The following TJP2 variants were observed in gnomAD, a reference collection of about 807,000 sequenced individuals.
The protein encoded by TJP2 is Friedreich ataxia region gene X104 (tight junction protein ZO-2).
TJP2 carries 91 observed loss-of-function variants against 133.1 expected under a neutral mutation model. That is an observed-to-expected ratio of 0.68 (90% CI 0.58 to 0.81). The LOEUF is 0.81. TJP2 is among the 40% of genes least tolerant of loss of function. The pLI, the probability that TJP2 is intolerant of heterozygous loss-of-function variation, is 0.00. For missense variants in TJP2, 1,541 were observed against 1,565.6 expected, an observed-to-expected ratio of 0.98 and a Z score of 0.26; for synonymous variants, 592 against 583.4, an observed-to-expected ratio of 1.01 and a Z score of -0.21.
At position 69,251,083 on chromosome 9, in the gene TJP2, G is replaced by A. The variant is rs1490932675; in HGVS notation, c.3040G>A (p.Glu1014Lys). 1 of 1,614,064 alleles carries A rather than the reference G, an allele frequency of 6.2e-7. No homozygotes were observed. The highest frequency in any genetic ancestry group is 1.7e-5 in the Admixed American group (1 of 60,010). ...EESYDFSKSY[E>K]YKSNPSAVAG... ...ATCCTATGACTTCTCCAAATCCTAT[G>A]AATATAAGTCAAACCCCTCTGCCGT... The change falls in exon 21 of 23, where the codon GAA (glutamate) becomes AAA (lysine). Residue 1014 changes from glutamate to lysine, a missense_variant. By Grantham distance (56) the Glu-to-Lys change is moderately conservative. Coordinates refer to ENST00000377245, the MANE Select transcript of TJP2 (RefSeq NM_004817.4).
intron 1 of TJP2, among the ~76,000 whole-genome samples, chr9:69,184,782 GCT>G (rs1282543588): frequency 8.1e-6 from 1 of 123,788 alleles, no homozygotes; most frequent in Non-Finnish European, 1.6e-5. Flanking sequence ...AGACGGGCTT[GCT>G]CTGTCACCCA....
At chr9:69,142,238 C>T (rs904583423) in intron 1 of TJP2, among the ~76,000 whole-genome samples, 1 of 152,146 alleles carries the variant, frequency 6.6e-6, no homozygotes, top group African/African-American at 2.4e-5. Flanking sequence ...TTGATGACAT[C>T]CAGTTGAAGG....
In TJP2 at chr9:69,234,299, C is replaced by T. The variant is rs1588126440; in HGVS notation, c.1672-140C>T. On this transcript the variant is annotated intron_variant, in intron 11 of 22. Transcript: ENST00000377245. ...CATTAAGGACTCATTTGCATCTTGG[C>T]TTTGCTCTGGACAGGCCCTGATGAA... The T allele has an allele frequency of 1.7e-5, 12 of 698,052 alleles. No individual in the cohort carries two copies. The East Asian group carries it at 3.3e-4, about 19-fold the overall frequency. 43.2% of individuals were successfully genotyped at this position (698,052 alleles called of 1,614,324 possible).
Position 69,193,361 on chromosome 9 carries a change from G to A in TJP2, c.60+18929G>A, listed in dbSNP as rs545942997. Among the ~76,000 whole-genome samples the A allele has an allele frequency of 3.3e-5, 5 of 151,922 alleles. No homozygotes were observed. The East Asian group carries it at 9.7e-4, about 29-fold the overall frequency. On this transcript the variant is annotated intron_variant, in intron 1 of 22. Transcript: ENST00000377245. Reference sequence around the variant, plus strand: ...ATAATACATCTGTTACCAGGCAGTGGCCTTTGATGATTTCCTATAGCTACA... The same window carrying A: ...ATAATACATCTGTTACCAGGCAGTGACCTTTGATGATTTCCTATAGCTACA...
At position 69,221,128 on chromosome 9, in the gene TJP2, G is replaced by T. The variant is rs757553147; in HGVS notation, c.584G>T (p.Arg195Leu). 4 of 1,588,332 alleles carry T rather than the reference G, an allele frequency of 2.5e-6. No homozygotes were observed. The African/African-American group carries it at 4.0e-5, about 16-fold the overall frequency. ...RSRERDLSRD[R>L]SRGRSLERGL... is the part of the protein sequence containing the mutation. ...CGGGAGCGGGACCTCAGCCGGGACC[G>T]GAGCCGTGGCCGGAGCCTGGAGCGG... The change falls in exon 5 of 23, where the codon CGG (arginine) becomes CTG (leucine). Residue 195 changes from arginine (R) to leucine (L), a missense_variant. By Grantham distance (102) the Arg-to-Leu change is moderately radical. Transcript: ENST00000377245.
rs184460264 is a variant in TJP2 at position 69,158,868 on chromosome 9, A to G, written c.-10+7097A>G. On this transcript the variant is annotated intron_variant, in intron 2 of 5. Transcript: ENST00000423935. ...TCACATCGGTTTTGATTCTTCACTC[A>G]TATCAGTTGAATGGTTGGTGACAAA... Among the ~76,000 whole-genome samples the G allele has an allele frequency of 2.7e-3, 416 of 152,210 alleles. 1 individual carries two copies. Among genetic ancestry groups the G allele is most frequent in the African/African-American group, 8.2e-3 (341 of 41,524 alleles).
intron 17 of TJP2, chr9:69,246,341 C>T: frequency 2.7e-6 from 1 of 364,226 alleles, no homozygotes; most frequent in Non-Finnish European, 5.3e-6. Context: ...AGTGTATACA[C>T]CTCAGCCTCC....
intron 1 of TJP2, chr9:69,145,661 A>T (rs1214735298): frequency 2.6e-6 from 3 of 1,159,284 alleles, no homozygotes; most frequent in Non-Finnish European, 3.3e-6. Context: ...CTTCAGGTGA[A>T]CAGTGACTGA....
intron 11 of TJP2, among the ~76,000 whole-genome samples, chr9:69,231,186 C>T (rs889720026): frequency 9.2e-5 from 14 of 151,992 alleles, no homozygotes; most frequent in Non-Finnish European, 1.6e-4. Flanking sequence ...CTCAGATCAC[C>T]GCAACCTCCG....
At chr9:69,211,797 A>C (rs1827934460) in intron 1 of TJP2, among the ~76,000 whole-genome samples, 1 of 152,004 alleles carries the variant, frequency 6.6e-6, no homozygotes, top group African/African-American at 2.4e-5. Context: ...TTTTTCCCCT[A>C]ATAGATCCAC....
intron 1 of TJP2, among the ~76,000 whole-genome samples, chr9:69,197,590 T>C (rs1242514433): frequency 6.6e-6 from 1 of 152,208 alleles, no homozygotes; most frequent in African/African-American, 2.4e-5. Flanking sequence ...AGTGGTCAGC[T>C]TATTTGCTGC....
In TJP2 at chr9:69,226,044, A is replaced by T; in HGVS notation, c.1079A>T (p.Asn360Ile). ...ILKINGTVTE[N>I]MSLTDARKLI... ...CAGATCAATGGGACTGTAACTGAGAACATGTCTTTAACGGATGCTCGAAAA... is the reference window on the plus strand; with the variant it reads ...CAGATCAATGGGACTGTAACTGAGATCATGTCTTTAACGGATGCTCGAAAA... Residue 360 changes from asparagine to isoleucine, a missense_variant, in exon 7 of 23, where the codon AAC (asparagine) becomes ATC (isoleucine). Asn to Ile is a moderately radical substitution (Grantham distance 149). Coordinates refer to ENST00000377245, the MANE Select transcript of TJP2 (RefSeq NM_004817.4). 1 of 1,614,220 alleles carries T rather than the reference A, an allele frequency of 6.2e-7. No homozygotes were observed. The highest frequency in any genetic ancestry group is 2.2e-5 in the East Asian group (1 of 44,882).
intron 1 of TJP2, chr9:69,204,976 A>G: frequency 7.5e-7 from 1 of 1,342,256 alleles, no homozygotes; most frequent in Non-Finnish European, 9.5e-7. Context: ...TTTTGCTCAT[A>G]AGTAGTGCTT....
At chr9:69,134,100 G>A (rs1822624240) in intron 1 of TJP2, among the ~76,000 whole-genome samples, 1 of 152,158 alleles carries the variant, frequency 6.6e-6, no homozygotes, top group Non-Finnish European at 1.5e-5. Flanking sequence ...TGCAGCATTA[G>A]ACTGGGTGAT....
intron 20 of TJP2, among the ~76,000 whole-genome samples, chr9:69,250,805 A>C (rs1831274922): frequency 6.6e-6 from 1 of 152,056 alleles, no homozygotes; most frequent in Non-Finnish European, 1.5e-5. Flanking sequence ...CACTTTCCCT[A>C]TTCCTTTTTG....
At chr9:69,154,094 A>G (rs1456790546) in intron 2 of TJP2, among the ~76,000 whole-genome samples, 1 of 152,208 alleles carries the variant, frequency 6.6e-6, no homozygotes, top group African/African-American at 2.4e-5. Flanking sequence ...TTGAGATTCA[A>G]AGATTTTAAA....
chr9:69,198,412 G>A (rs569026771), intron 1 of TJP2, among the ~76,000 whole-genome samples: 2 of 152,188 alleles, frequency 1.3e-5, no homozygotes, highest in South Asian at 2.1e-4. Flanking sequence ...AAGGTGCTGG[G>A]ATTACAGGCG....
At chr9:69,194,607 G>C (rs1184999456) in intron 1 of TJP2, among the ~76,000 whole-genome samples, 1 of 152,200 alleles carries the variant, frequency 6.6e-6, no homozygotes, top group Non-Finnish European at 1.5e-5. Context: ...TGGTTACTGT[G>C]TTGGACAGCA....
At chr9:69,252,237 C>T (rs1005813048) in intron 21 of TJP2, among the ~76,000 whole-genome samples, 1 of 152,130 alleles carries the variant, frequency 6.6e-6, no homozygotes. Flanking sequence ...TCAAGCAATG[C>T]ACCCTCCTCA....
Sources: gnomAD v4.1 joint callset for allele counts (sites outside exome capture counted in the v4.1 genomes callset) on GRCh38, gnomAD v4.1.1 for gene constraint, MANE v1.5 for transcripts, NCBI Gene and HGNC (gene_info 2026-07-23, HGNC 2026-07-21) for gene names.